Variants in STK10 observed in about 807,000 individuals in gnomAD.
The protein encoded by STK10 is serine/threonine-protein kinase 10.
Under a neutral mutation model 113.8 loss-of-function variants are expected in STK10, and 78 were observed. The ratio of observed to expected loss-of-function variants is 0.69; its 90% confidence interval spans 0.57 to 0.83. The LOEUF is 0.83. STK10 is among the 40% of genes least tolerant of loss of function. STK10 has a pLI of 0.00. For missense variants in STK10, 1,109 were observed against 1,280.1 expected (o/e 0.87, Z 2.04); for synonymous variants, 465 against 494.7 (o/e 0.94, Z 0.80).
At position 172,120,698 on chromosome 5, in the gene STK10, T is replaced by G. The variant is rs949219765; in HGVS notation, c.371-3068A>C. Among the ~76,000 whole-genome samples, 2 of 152,148 alleles carry G rather than the reference T, an allele frequency of 1.3e-5. No individual in the cohort carries two copies. The highest frequency in any genetic ancestry group is 2.9e-5 in the Non-Finnish European group (2 of 68,032). On this transcript the variant is annotated intron_variant, in intron 3 of 18. Coordinates refer to ENST00000176763, the MANE Select transcript of STK10 (RefSeq NM_005990.4). The surrounding 1 kb of genome is among the most constrained non-coding windows in gnomAD (Gnocchi z 4.0). Reference sequence around the variant, plus strand: ...GCCATCAGCCATGTTCAGTTCTCAGTGTGGAAAATAGGCAATAAAGGGGGA... The same window carrying G: ...GCCATCAGCCATGTTCAGTTCTCAGGGTGGAAAATAGGCAATAAAGGGGGA...
chr5:172,108,788 T>C (rs1432897095), intron 4 of STK10, among the ~76,000 whole-genome samples: 1 of 151,682 alleles, frequency 6.6e-6, no homozygotes, highest in Non-Finnish European at 1.5e-5. Flanking sequence ...TTTATTAATT[T>C]ATTATTATTT....
At chr5:172,163,034 CA>C (rs1770501177) in intron 1 of STK10, among the ~76,000 whole-genome samples, 1 of 152,062 alleles carries the variant, frequency 6.6e-6, no homozygotes, top group Non-Finnish European at 1.5e-5. Flanking sequence ...AACCACGGAC[CA>C]AAAAGTGACT....
In STK10 at chr5:172,057,472, G is replaced by C; in HGVS notation, c.2214C>G (p.Asp738Glu). 1 of 1,549,918 alleles carries C rather than the reference G, an allele frequency of 6.5e-7. No individual in the cohort carries two copies. Among genetic ancestry groups the C allele is most frequent in the Non-Finnish European group, 8.7e-7 (1 of 1,146,908 alleles). The change falls in exon 15 of 19, where the codon GAC (aspartate) becomes GAG (glutamate). Residue 738 changes from aspartate to glutamate, a missense_variant and splice_region_variant. Asp to Glu is a conservative substitution (Grantham distance 45, BLOSUM62 2). Transcript: ENST00000176763. The stretch of plus-strand genomic sequence containing the variant: ...CCATCTCCCACAGGGCTGCTTCCCG[G>C]TCTGCAGAGGACATGCCACCGAGCT... ...CLMKKQELLR[D>E]REAALWEMEE...
At chr5:172,129,717 A>T (rs1222073338) in intron 2 of STK10, among the ~76,000 whole-genome samples, 1 of 152,184 alleles carries the variant, frequency 6.6e-6, no homozygotes, top group Non-Finnish European at 1.5e-5. Context: ...CAGCTCCACG[A>T]AAGAGGAAGA....
chr5:172,044,852 C>G lies in STK10; in HGVS notation c.*30G>C, dbSNP rs763818829. 13 of 1,613,908 alleles carry G rather than the reference C, an allele frequency of 8.1e-6. No homozygotes were observed. Among genetic ancestry groups the G allele is most frequent in the Non-Finnish European group, 1.1e-5 (13 of 1,180,040 alleles). On this transcript the variant is annotated 3_prime_UTR_variant, in exon 19 of 19. Coordinates refer to ENST00000176763, the MANE Select transcript of STK10 (RefSeq NM_005990.4). The surrounding 1 kb of genome is among the most constrained non-coding windows in gnomAD (Gnocchi z 4.5). ...TGAAGGAGAAGGCCCTGGGGCCCAC[C>G]AAGCTGCCAGCCACAGCCCCGGGCG...
intron 1 of STK10, among the ~76,000 whole-genome samples, chr5:172,160,417 G>A (rs1380730555): frequency 6.6e-6 from 1 of 151,876 alleles, no homozygotes; most frequent in Non-Finnish European, 1.5e-5. Flanking sequence ...GGAGGTTGCA[G>A]TGAGCCGAGA....
chr5:172,151,969 C>T (rs904989531), intron 2 of STK10, among the ~76,000 whole-genome samples: 60 of 152,338 alleles, frequency 3.9e-4, no homozygotes, highest in African/African-American at 1.4e-3. Context: ...GCACTTTCTG[C>T]CCCCACACAT....
At chr5:172,166,792 G>C (rs1352426737) in intron 1 of STK10, among the ~76,000 whole-genome samples, 2 of 152,122 alleles carry the variant, frequency 1.3e-5, no homozygotes, top group Non-Finnish European at 2.9e-5. Context: ...TTGGAAATAG[G>C]TTTTAAAAGC....
intron 2 of STK10, among the ~76,000 whole-genome samples, chr5:172,137,960 A>G (rs1468792410): frequency 6.6e-6 from 1 of 151,910 alleles, no homozygotes; most frequent in African/African-American, 2.4e-5. Flanking sequence ...CATCGCACTT[A>G]ATGGTGAAAG....
At position 172,096,453 on chromosome 5, in the gene STK10, T is replaced by TTCCCCCTCA; in HGVS notation, c.969_977dup (p.Asp323_Gly325dup). On this transcript the variant is annotated inframe_insertion, in exon 8 of 19. Coordinates refer to ENST00000176763, the MANE Select transcript of STK10 (RefSeq NM_005990.4). The stretch of plus-strand genomic sequence containing the variant: ...AGGCGGCATCCACGGCGTCCTCCTC[T>TTCCCCCTCA]TCCCCCTCATCCCGGCCGTCTTCGA... 6.2e-7 allele frequency: 1 copy of TTCCCCCTCA among 1,613,294 alleles called. No individual in the cohort carries two copies. The highest frequency in any genetic ancestry group is 1.1e-5 in the South Asian group (1 of 91,088).
At chr5:172,183,220 AAAG>A (rs1442421629) in intron 1 of STK10, among the ~76,000 whole-genome samples, 4 of 152,018 alleles carry the variant, frequency 2.6e-5, no homozygotes, top group African/African-American at 9.7e-5. Flanking sequence ...AAACAAACAA[AAAG>A]AAGCAGAAAA....
intron 2 of STK10, among the ~76,000 whole-genome samples, chr5:172,150,047 CAAAAAAAAA>C (rs35745235): frequency 6.9e-5 from 6 of 87,124 alleles, no homozygotes; most frequent in African/African-American, 2.5e-4. Flanking sequence ...AACTTTGTCT[CAAAAAAAAA>C]AAAAAAAAAA....
At chr5:172,073,793 C>CAAAAAAAAAAAAAA (rs60492751) in intron 12 of STK10, among the ~76,000 whole-genome samples, 1 of 58,442 alleles carries the variant, frequency 1.7e-5, no homozygotes, top group African/African-American at 5.6e-5. Context: ...CTAAAAATAG[C>CAAAAAAAAAAAAAA]AAAAAAAAAA....
intron 7 of STK10, among the ~76,000 whole-genome samples, chr5:172,098,633 A>C (rs986292464): frequency 2.6e-5 from 4 of 152,104 alleles, no homozygotes; most frequent in African/African-American, 9.7e-5. Context: ...CTGTACTTTT[A>C]AGAGGTCTTG....
intron 12 of STK10, among the ~76,000 whole-genome samples, chr5:172,078,042 C>T (rs1355884977): frequency 6.6e-6 from 1 of 152,232 alleles, no homozygotes; most frequent in Non-Finnish European, 1.5e-5. Context: ...CTGCTGCATC[C>T]TGACCACTAT....
chr5:172,134,780 G>C (rs140323564), intron 2 of STK10, among the ~76,000 whole-genome samples: 1 of 150,514 alleles, frequency 6.6e-6, no homozygotes, highest in South Asian at 2.1e-4. Flanking sequence ...TTTCATTAGC[G>C]GGGTATGGTG....
In STK10 at chr5:172,125,713, C is replaced by G. The variant is rs78968919; in HGVS notation, c.370+1660G>C. On this transcript the variant is annotated intron_variant, in intron 3 of 18. Coordinates refer to ENST00000176763, the MANE Select transcript of STK10 (RefSeq NM_005990.4). ...CTGCTCATAATTGTTACAGCTGTAC[C>G]ACCATCTTTGGTATAGCTGTTTATG... Among the ~76,000 whole-genome samples the G allele has an allele frequency of 7.9e-3, 1,198 of 152,286 alleles. 26 individuals are homozygous for G. Among genetic ancestry groups the G allele is most frequent in the African/African-American group, 0.028 (1,150 of 41,558 alleles).
At chr5:172,148,428 G>A (rs1770133066) in intron 2 of STK10, among the ~76,000 whole-genome samples, 1 of 152,174 alleles carries the variant, frequency 6.6e-6, no homozygotes, top group African/African-American at 2.4e-5. Flanking sequence ...TGACATGGTG[G>A]GCGAATCCTG....
chr5:172,149,196 G>A (rs1770151699), intron 2 of STK10, among the ~76,000 whole-genome samples: 1 of 152,196 alleles, frequency 6.6e-6, no homozygotes, highest in Admixed American at 6.5e-5. Flanking sequence ...ACAGAACTGT[G>A]AGGATTTGGT....
Sources: allele counts gnomAD v4.1 joint callset (sites outside exome capture counted in the v4.1 genomes callset), GRCh38; gene constraint gnomAD v4.1.1; non-coding constraint Gnocchi (gnomAD v3.1); transcripts MANE v1.5; gene names NCBI Gene and HGNC (gene_info 2026-07-23, HGNC 2026-07-21).